RGS6: variants seen among roughly 807,000 people sequenced by gnomAD.
The protein encoded by RGS6 is regulator of G protein signaling 6.
A neutral mutation model predicts 78.5 loss-of-function variants in RGS6; 30 were observed. The observed-to-expected ratio is 0.38, with a 90% CI of 0.29 to 0.52. The LOEUF is 0.52. Ranked by LOEUF, RGS6 falls within the 20% of genes least tolerant of loss-of-function variation. The pLI, the probability that RGS6 is intolerant of heterozygous loss-of-function variation, is 0.85. For synonymous variants in RGS6, 206 were observed against 206.0 expected, an observed-to-expected ratio of 1.00 and a Z score of 0.00; for missense variants, 495 against 609.7, an observed-to-expected ratio of 0.81 and a Z score of 1.98.
At position 72,308,597 on chromosome 14, in the gene RGS6, A is replaced by T. The variant is rs531189881; in HGVS notation, c.85-43498A>T. On this transcript the variant is annotated intron_variant, in intron 2 of 17. Transcript: ENST00000553525. ...TCAACACAGTCCTGCTTAATTAATTATAAATTAGTTAGTATGAAAATTTGT... is the reference window on the plus strand; with the variant it reads ...TCAACACAGTCCTGCTTAATTAATTTTAAATTAGTTAGTATGAAAATTTGT... Among the ~76,000 whole-genome samples, 7 of 152,364 alleles carry T rather than the reference A, an allele frequency of 4.6e-5. No individual in the cohort carries two copies. In the South Asian group the frequency reaches 1.4e-3, roughly 32 times the overall value.
chr14:71,963,449 G>A (rs963447177), intron 1 of RGS6, among the ~76,000 whole-genome samples: 7 of 152,282 alleles, frequency 4.6e-5, no homozygotes, highest in African/African-American at 1.4e-4. Context: ...GTGTTCTACA[G>A]CCATCACCTC....
At chr14:72,023,331 A>G (rs1450359637) in intron 2 of RGS6, among the ~76,000 whole-genome samples, 1 of 152,170 alleles carries the variant, frequency 6.6e-6, no homozygotes, top group Non-Finnish European at 1.5e-5. Flanking sequence ...GCTGTGACTC[A>G]TTTTTGGACT....
At chr14:72,141,145 T>C (rs2096534092) in intron 2 of RGS6, among the ~76,000 whole-genome samples, 1 of 152,180 alleles carries the variant, frequency 6.6e-6, no homozygotes, top group Admixed American at 6.5e-5. Context: ...GAGTCTGTAT[T>C]ATTGATCAAA....
At chr14:72,063,164 A>T (rs1488019904) in intron 2 of RGS6, among the ~76,000 whole-genome samples, 1 of 152,132 alleles carries the variant, frequency 6.6e-6, no homozygotes, top group East Asian at 1.9e-4. Flanking sequence ...GAGAGGAGAA[A>T]AGATGTTGAA....
chr14:72,054,180 A>G (rs2093488645), intron 2 of RGS6, among the ~76,000 whole-genome samples: 1 of 152,242 alleles, frequency 6.6e-6, no homozygotes, highest in African/African-American at 2.4e-5. Context: ...TTAAGTCCTT[A>G]CAGAAATATA....
At chr14:72,031,596 T>G (rs1309829247) in intron 2 of RGS6, among the ~76,000 whole-genome samples, 1 of 152,212 alleles carries the variant, frequency 6.6e-6, no homozygotes, top group Non-Finnish European at 1.5e-5. Flanking sequence ...ATGCTGACAC[T>G]GATGGGAGGC....
At chr14:72,251,899 T>G (rs1302453082) in intron 2 of RGS6, among the ~76,000 whole-genome samples, 5 of 152,242 alleles carry the variant, frequency 3.3e-5, no homozygotes, top group Non-Finnish European at 7.3e-5. Flanking sequence ...TAAATCCTGT[T>G]TAACACAAGA....
At chr14:72,512,070 A>ATG (rs2096885128) in intron 14 of RGS6, among the ~76,000 whole-genome samples, 1 of 151,890 alleles carries the variant, frequency 6.6e-6, no homozygotes, top group Non-Finnish European at 1.5e-5. Context: ...CACCCCCTCC[A>ATG]TGGTCCCTAT....
At chr14:72,096,237 G>A (rs1253003994) in intron 2 of RGS6, among the ~76,000 whole-genome samples, 2 of 151,208 alleles carry the variant, frequency 1.3e-5, no homozygotes, top group African/African-American at 2.4e-5. Context: ...TTGCACCACT[G>A]CACTCTGCAC....
At chr14:72,157,039 C>G (rs554959340) in intron 2 of RGS6, among the ~76,000 whole-genome samples, 2 of 152,336 alleles carry the variant, frequency 1.3e-5, no homozygotes, top group Non-Finnish European at 2.9e-5. Flanking sequence ...AAAAGTGAAG[C>G]TGTTCTTCAC....
intron 3 of RGS6, among the ~76,000 whole-genome samples, chr14:72,402,658 G>A (rs182894680): frequency 9.3e-4 from 141 of 152,172 alleles, no homozygotes; most frequent in African/African-American, 2.9e-3. Context: ...TGGTAGGAAC[G>A]TAAGTTAGTA....
chr14:71,995,790 C>G (rs1204753838), intron 2 of RGS6, among the ~76,000 whole-genome samples: 1 of 152,174 alleles, frequency 6.6e-6, no homozygotes, highest in Non-Finnish European at 1.5e-5. Context: ...TTTTACTTTG[C>G]TACTCTCCAT....
chr14:72,040,394 G>A (rs72737825), intron 2 of RGS6, among the ~76,000 whole-genome samples: 10,353 of 149,882 alleles, frequency 0.069, 453 homozygotes, highest in East Asian at 0.18. Context: ...GGTATTTTGT[G>A]TTGGCTTTTT....
At position 72,202,360 on chromosome 14, in the gene RGS6, A is replaced by G. The variant is rs543866180; in HGVS notation, c.85-149735A>G. On this transcript the variant is annotated intron_variant, in intron 2 of 17. Transcript: ENST00000553525. ...GTGGCCACAGAGAACAAGAGCATAT[A>G]TAGTGCATTTCAGAGAAGTTTCTCC... 5.3e-5 allele frequency among the ~76,000 whole-genome samples: 8 copies of G among 152,234 alleles called. No individual in the cohort carries two copies. The South Asian group carries it at 1.5e-3, about 28-fold the overall frequency.
rs560469354 is a variant in RGS6 at position 71,975,359 on chromosome 14, T to C, written c.84+10484T>C. Among the ~76,000 whole-genome samples, 6 of 152,354 alleles carry C rather than the reference T, an allele frequency of 3.9e-5. No individual in the cohort carries two copies. In the South Asian group the frequency reaches 1.2e-3, roughly 32 times the overall value. Reference sequence around the variant, plus strand: ...TTTTCCTTTGGCTGCTTTTAAGATTTATTTCACTTTGGTTTTAGCAGTTTT... The same window carrying C: ...TTTTCCTTTGGCTGCTTTTAAGATTCATTTCACTTTGGTTTTAGCAGTTTT... On this transcript the variant is annotated intron_variant, in intron 2 of 17. Transcript: ENST00000553525.
the RGS6 span, among the ~76,000 whole-genome samples, chr14:71,876,516 T>C: frequency 2.4e-5 from 3 of 126,318 alleles, no homozygotes; most frequent in Non-Finnish European, 4.9e-5. Flanking sequence ...TTTTTTGCTT[T>C]CCATTTGCTT....
At chr14:71,993,063 G>A (rs989250727) in intron 2 of RGS6, among the ~76,000 whole-genome samples, 2 of 152,144 alleles carry the variant, frequency 1.3e-5, no homozygotes. Flanking sequence ...AGGAGATGTT[G>A]TCTTTACAAT....
chr14:72,244,503 T>C (rs1057433336), intron 2 of RGS6, among the ~76,000 whole-genome samples: 12 of 152,226 alleles, frequency 7.9e-5, no homozygotes, highest in African/African-American at 2.9e-4. Context: ...CTTAGTGTCA[T>C]CTTTTCTGCC....
At chr14:72,080,836 T>G (rs2094792165) in intron 2 of RGS6, among the ~76,000 whole-genome samples, 1 of 152,112 alleles carries the variant, frequency 6.6e-6, no homozygotes, top group Non-Finnish European at 1.5e-5. Flanking sequence ...ATTGACTATG[T>G]GGATTTATTT....
Sources: allele counts gnomAD v4.1 joint callset (sites outside exome capture counted in the v4.1 genomes callset), GRCh38; gene constraint gnomAD v4.1.1; transcripts MANE v1.5; gene names NCBI Gene and HGNC (gene_info 2026-07-23, HGNC 2026-07-21).